PTPN14: variants seen among roughly 807,000 people sequenced by gnomAD.
The protein encoded by PTPN14 is protein tyrosine phosphatase non-receptor type 14.
In PTPN14, 53 loss-of-function variants were observed where a neutral mutation model predicts 126.8. That is an observed-to-expected ratio of 0.42 (90% CI 0.34 to 0.53). The LOEUF (loss-of-function observed/expected upper bound fraction) is 0.53, where lower values mean the gene tolerates loss of function less well. Ranked by LOEUF, PTPN14 falls within the 20% of genes least tolerant of loss-of-function variation. The pLI is 0.08. For missense variants in PTPN14, 1,257 were observed against 1,552.9 expected (o/e 0.81, Z 3.20); for synonymous variants, 630 against 599.3 (o/e 1.05, Z -0.75).
chr1:214,449,605 G>A (rs1293531403), intron 3 of PTPN14, among the ~76,000 whole-genome samples: 1 of 152,146 alleles, frequency 6.6e-6, no homozygotes, highest in African/African-American at 2.4e-5. Context: ...ACTCAAGGAG[G>A]ATTCAAAAGC....
intron 1 of PTPN14, among the ~76,000 whole-genome samples, chr1:214,526,518 C>G (rs1655402086): frequency 6.8e-6 from 1 of 146,866 alleles, no homozygotes; most frequent in Non-Finnish European, 1.5e-5. Flanking sequence ...CTCAAGGTCC[C>G]CAGATGGTTA....
At chr1:214,479,341 C>CTTTT (rs368916343) in intron 1 of PTPN14, among the ~76,000 whole-genome samples, 1 of 138,000 alleles carries the variant, frequency 7.2e-6, no homozygotes. Context: ...AAAACCCTGT[C>CTTTT]TTTTTTTTTT....
intron 3 of PTPN14, among the ~76,000 whole-genome samples, chr1:214,424,363 C>T (rs35129129): frequency 0.093 from 14,160 of 151,714 alleles, 704 homozygotes; most frequent in South Asian, 0.15. Flanking sequence ...ACAGACATAA[C>T]AAACAAACAC....
At chr1:214,396,321 A>G (rs1658878345) in intron 8 of PTPN14, among the ~76,000 whole-genome samples, 1 of 152,154 alleles carries the variant, frequency 6.6e-6, no homozygotes, top group African/African-American at 2.4e-5. Flanking sequence ...CCTTTCCTCC[A>G]GTCATCATTC....
intron 1 of PTPN14, among the ~76,000 whole-genome samples, chr1:214,525,196 T>G (rs945885192): frequency 6.6e-6 from 1 of 152,206 alleles, no homozygotes; most frequent in Non-Finnish European, 1.5e-5. Context: ...CAGAGGGCAG[T>G]GGAGGTACAA....
At chr1:214,362,291 G>A (rs899008322) in intron 18 of PTPN14, among the ~76,000 whole-genome samples, 1 of 152,150 alleles carries the variant, frequency 6.6e-6, no homozygotes, top group African/African-American at 2.4e-5. Context: ...TTGTGCTAGG[G>A]GAAGAGAAGT....
intron 3 of PTPN14, among the ~76,000 whole-genome samples, chr1:214,425,112 A>G (rs974824080): frequency 2.0e-5 from 3 of 152,028 alleles, no homozygotes; most frequent in Non-Finnish European, 2.9e-5. Flanking sequence ...ATCAATCTCT[A>G]TTTAGCACCC....
At chr1:214,480,264 C>G (rs1305694288) in intron 1 of PTPN14, among the ~76,000 whole-genome samples, 1 of 152,190 alleles carries the variant, frequency 6.6e-6, no homozygotes, top group Non-Finnish European at 1.5e-5. Flanking sequence ...CAGAGGCTAT[C>G]ACAAATGACT....
At chr1:214,520,065 A>AAAAAAATAT in intron 1 of PTPN14, among the ~76,000 whole-genome samples, 7 of 71,140 alleles carry the variant, frequency 9.8e-5, no homozygotes, top group African/African-American at 5.1e-4. Context: ...AAAAAAAAAA[A>AAAAAAATAT]ATATATATAT....
chr1:214,376,147 T>A, intron 15 of PTPN14, 72 bp downstream of exon 15: 1 of 1,416,248 alleles, frequency 7.1e-7, no homozygotes, highest in Admixed American at 1.9e-5. Context: ...GCCCACACAT[T>A]TTCTTCTCCC....
intron 1 of PTPN14, among the ~76,000 whole-genome samples, chr1:214,490,851 AAGGGAAGGGAGGGGAGGGGAGGGG>A (rs2102417017): frequency 2.6e-5 from 1 of 38,094 alleles, no homozygotes; most frequent in Non-Finnish European, 4.7e-5. Context: ...AAAGGAAAGG[AAGGGAAGGGAGGGGAGGGGAGGGG>A]AGGGGAGGGA....
At chr1:214,358,112 C>T (rs755726640) in intron 18 of PTPN14, 62 bp from the exon 19 acceptor site, 218 of 1,570,486 alleles carry the variant, frequency 1.4e-4, no homozygotes, top group Middle Eastern at 2.3e-4. Flanking sequence ...GAGCATTCCT[C>T]ATTCCCTCAT....
intron 3 of PTPN14, among the ~76,000 whole-genome samples, chr1:214,426,183 C>T (rs963087150): frequency 6.6e-6 from 1 of 151,842 alleles, no homozygotes; most frequent in African/African-American, 2.4e-5. Flanking sequence ...TTCAAAGCAG[C>T]TGAAGACATC....
At chr1:214,401,852 A>C in intron 6 of PTPN14, 80 bp from the exon 7 acceptor site, 1 of 1,178,012 alleles carries the variant, frequency 8.5e-7, no homozygotes, top group Non-Finnish European at 1.2e-6. Context: ...GGCAAATTCC[A>C]GAGCTGTGGT....
At chr1:214,451,593 AG>A (rs1660273781) in intron 3 of PTPN14, among the ~76,000 whole-genome samples, 1 of 152,200 alleles carries the variant, frequency 6.6e-6, no homozygotes, top group Non-Finnish European at 1.5e-5. Flanking sequence ...CCAGCATTAC[AG>A]AAAACTGCTG....
At chr1:214,545,902 T>C (rs1558149915) in intron 1 of PTPN14, among the ~76,000 whole-genome samples, 1 of 152,166 alleles carries the variant, frequency 6.6e-6, no homozygotes, top group South Asian at 2.1e-4. Context: ...CCCAACTGTT[T>C]GGTAGCAAGC....
At position 214,390,848 on chromosome 1, in the gene PTPN14, A is replaced by C. The variant is rs12729692; in HGVS notation, c.987+140T>G. 87,148 of 607,662 alleles carry C rather than the reference A, an allele frequency of 0.14. 6,612 individuals are homozygous for C. The highest frequency in any genetic ancestry group is 0.21 in the African/African-American group (11,053 of 52,948). The allele number at this position is 607,662 out of a possible 1,614,324, so 37.6% of individuals were successfully genotyped here. On this transcript the variant is annotated intron_variant, in intron 11 of 18. Coordinates refer to ENST00000366956, the MANE Select transcript of PTPN14 (RefSeq NM_005401.5). ...GGGGGACAAAACGGGTGTCCATCGC[A>C]TCTGCTTGACAGAATGACGCCTCTG...
chr1:214,386,310 A>C (rs1010750675), intron 12 of PTPN14, among the ~76,000 whole-genome samples: 2 of 152,216 alleles, frequency 1.3e-5, no homozygotes, highest in African/African-American at 2.4e-5. Flanking sequence ...CACATTTTGC[A>C]TGGGAGATGT....
Position 214,464,928 on chromosome 1 carries a change from C to G in PTPN14, c.-125G>C. On this transcript the variant is annotated 5_prime_UTR_variant, in exon 2 of 19. Coordinates refer to ENST00000366956, the MANE Select transcript of PTPN14 (RefSeq NM_005401.5). ...CTCCTCCAGGCAGGGAAAAGGGTGT[C>G]CATGCCCAGTGTGGCCCTCTGGAAG... 8.2e-7 allele frequency: 1 copy of G among 1,223,622 alleles called. No homozygotes were observed. 75.8% of individuals were successfully genotyped at this position (1,223,622 alleles called of 1,614,324 possible).
Sources: allele counts gnomAD v4.1 joint callset (sites outside exome capture counted in the v4.1 genomes callset), GRCh38; gene constraint gnomAD v4.1.1; transcripts MANE v1.5; gene names NCBI Gene and HGNC (gene_info 2026-07-23, HGNC 2026-07-21).